The following CNTN4 variants were observed in gnomAD, a reference collection of about 807,000 sequenced individuals.
CNTN4 encodes contactin 4.
In CNTN4, 77 loss-of-function variants were observed where a neutral mutation model predicts 122.5. That is an observed-to-expected ratio of 0.63 (90% CI 0.52 to 0.76). The LOEUF (loss-of-function observed/expected upper bound fraction) is 0.76. Among genes scored for constraint, CNTN4 ranks in the 30% least tolerant of loss-of-function variants. CNTN4 has a pLI of 0.00. For synonymous variants in CNTN4, 512 were observed against 447.0 expected, an observed-to-expected ratio of 1.15 and a Z score of -1.83; for missense variants, 1,256 against 1,259.1, an observed-to-expected ratio of 1.00 and a Z score of 0.04.
intron 2 of CNTN4, among the ~76,000 whole-genome samples, chr3:2,199,222 T>C (rs2037982088): frequency 6.6e-6 from 1 of 152,220 alleles, no homozygotes; most frequent in Admixed American, 6.5e-5. Context: ...CAGCTTTAGC[T>C]AACCTCCTGC....
chr3:2,148,378 A>T (rs1272129044), intron 2 of CNTN4, among the ~76,000 whole-genome samples: 4 of 144,352 alleles, frequency 2.8e-5, no homozygotes, highest in Non-Finnish European at 6.0e-5. Flanking sequence ...TACAGAAAAT[A>T]AAAAAAAAAA....
At chr3:2,360,991 A>G (rs1464496284) in intron 3 of CNTN4, among the ~76,000 whole-genome samples, 1 of 152,158 alleles carries the variant, frequency 6.6e-6, no homozygotes, top group Admixed American at 6.5e-5. Flanking sequence ...GATTGTTATA[A>G]ATGTTCACTG....
intron 4 of CNTN4, among the ~76,000 whole-genome samples, chr3:2,640,920 G>A (rs1402215368): frequency 6.6e-6 from 1 of 152,138 alleles, no homozygotes. Context: ...GAAGGAGGCA[G>A]TATCAGAGTG....
At chr3:2,111,608 C>T (rs2032960955) in intron 2 of CNTN4, among the ~76,000 whole-genome samples, 1 of 152,106 alleles carries the variant, frequency 6.6e-6, no homozygotes, top group Non-Finnish European at 1.5e-5. Context: ...CTCAGTGATT[C>T]ATATCCTGTC....
At chr3:2,712,877 C>G (rs2087235897) in intron 4 of CNTN4, among the ~76,000 whole-genome samples, 1 of 152,200 alleles carries the variant, frequency 6.6e-6, no homozygotes, top group Admixed American at 6.5e-5. Flanking sequence ...TTCCAGAAAG[C>G]TGAACCCATG....
intron 3 of CNTN4, among the ~76,000 whole-genome samples, chr3:2,420,481 G>T (rs1201582094): frequency 6.6e-6 from 1 of 151,840 alleles, no homozygotes; most frequent in Non-Finnish European, 1.5e-5. Context: ...TGTCCCCCAG[G>T]CTGGAGTCCA....
At chr3:2,998,338 C>G (rs1474059107) in intron 14 of CNTN4, among the ~76,000 whole-genome samples, 1 of 152,116 alleles carries the variant, frequency 6.6e-6, no homozygotes, top group Non-Finnish European at 1.5e-5. Context: ...AGCCGTAGAC[C>G]ACAAGCATCA....
chr3:2,157,069 ATGTG>A (rs1423569284), intron 2 of CNTN4, among the ~76,000 whole-genome samples: 2 of 152,212 alleles, frequency 1.3e-5, no homozygotes, highest in Admixed American at 6.5e-5. Flanking sequence ...ATTGTGAGAT[ATGTG>A]TGTCATTGAG....
At chr3:2,286,376 C>T (rs1416753750) in intron 2 of CNTN4, among the ~76,000 whole-genome samples, 2 of 150,518 alleles carry the variant, frequency 1.3e-5, no homozygotes, top group African/African-American at 4.9e-5. Flanking sequence ...TATATAGGAA[C>T]TAAATCAAAA....
At chr3:2,575,599 G>A (rs1028566997) in intron 4 of CNTN4, among the ~76,000 whole-genome samples, 1 of 152,094 alleles carries the variant, frequency 6.6e-6, no homozygotes, top group Non-Finnish European at 1.5e-5. Context: ...GAATGCTCTT[G>A]CCTTAAATGT....
chr3:2,150,285 G>A (rs1446279981), intron 2 of CNTN4, among the ~76,000 whole-genome samples: 1 of 151,998 alleles, frequency 6.6e-6, no homozygotes, highest in African/African-American at 2.4e-5. Context: ...CTATAACAGT[G>A]TTTTTAATAA....
At chr3:2,563,416 TTA>T (rs1478032472) in intron 3 of CNTN4, among the ~76,000 whole-genome samples, 1 of 152,216 alleles carries the variant, frequency 6.6e-6, no homozygotes, top group Non-Finnish European at 1.5e-5. Flanking sequence ...TTTTTAAAGA[TTA>T]TATGAGTTAA....
In CNTN4 at chr3:2,434,336, A is replaced by G. The variant is rs542109712; in HGVS notation, c.-89+95103A>G. Among the ~76,000 whole-genome samples, 322 of 152,308 alleles carry G rather than the reference A, an allele frequency of 2.1e-3. 1 individual carries two copies. Among genetic ancestry groups the G allele is most frequent in the Middle Eastern group, 6.8e-3 (2 of 294 alleles). ...TTGAACAAATAAAATGTAAAAATAT[A>G]TCTGTTTAAAAACAAAAAAGAAAGA... On this transcript the variant is annotated intron_variant, in intron 3 of 24. Coordinates refer to ENST00000418658, the MANE Select transcript of CNTN4 (RefSeq NM_175607.3).
chr3:2,225,559 G>T (rs1481221244), intron 2 of CNTN4, among the ~76,000 whole-genome samples: 1 of 152,042 alleles, frequency 6.6e-6, no homozygotes. Context: ...CAAAAACCCA[G>T]GTCCTTTCCC....
chr3:2,424,255 T>C (rs1246981095), intron 3 of CNTN4, among the ~76,000 whole-genome samples: 1 of 125,300 alleles, frequency 8.0e-6, no homozygotes, highest in Non-Finnish European at 1.6e-5. Context: ...GTGATGTTCC[T>C]TTTCCTGTGT....
rs956457983 is a variant in CNTN4 at position 2,582,932 on chromosome 3, A to G, written c.55+11374A>G. Among the ~76,000 whole-genome samples the G allele has an allele frequency of 2.6e-5, 4 of 152,082 alleles. No individual in the cohort carries two copies. In the East Asian group the frequency reaches 7.7e-4, roughly 29 times the overall value. ...AAAAAAAAAAAGCAGTTTAATGGAG[A>G]AAGACTATCTGAAGAAAGAATGATG... is the stretch of plus-strand genomic sequence containing the variant. On this transcript the variant is annotated intron_variant, in intron 4 of 24. Coordinates refer to ENST00000418658, the MANE Select transcript of CNTN4 (RefSeq NM_175607.3).
chr3:2,735,944 AAAGGGAGACGTC>A, intron 4 of CNTN4: 1 of 570,598 alleles, frequency 1.8e-6, no homozygotes, highest in South Asian at 1.4e-5. Flanking sequence ...TAGAAGAGAG[AAAGGGAGACGTC>A]AAGCAGCCTG....
intron 14 of CNTN4, among the ~76,000 whole-genome samples, chr3:3,018,450 C>T (rs1304459166): frequency 6.6e-6 from 1 of 152,154 alleles, no homozygotes; most frequent in Non-Finnish European, 1.5e-5. Context: ...GAGCAACCCT[C>T]CCTTTCCTGT....
At chr3:2,461,721 T>C (rs981213607) in intron 3 of CNTN4, among the ~76,000 whole-genome samples, 2 of 152,236 alleles carry the variant, frequency 1.3e-5, no homozygotes, top group Admixed American at 6.5e-5. Flanking sequence ...AACAGTTAAA[T>C]CATTTATAGT....
Sources: allele counts gnomAD v4.1 joint callset (sites outside exome capture counted in the v4.1 genomes callset), GRCh38; gene constraint gnomAD v4.1.1; transcripts MANE v1.5; gene names NCBI Gene and HGNC (gene_info 2026-07-23, HGNC 2026-07-21).